The following KIZ variants were observed in gnomAD, a reference collection of about 807,000 sequenced individuals.
KIZ encodes the protein centrosomal protein kizuna.
KIZ carries 68 observed loss-of-function variants against 79.6 expected under a neutral mutation model. The observed-to-expected ratio is 0.85, with a 90% CI of 0.70 to 1.05. The LOEUF (loss-of-function observed/expected upper bound fraction) is 1.05. Among genes scored for constraint, KIZ ranks in the 50% least tolerant of loss-of-function variants. KIZ has a pLI of 0.00. For missense variants in KIZ, 797 were observed against 800.4 expected (o/e 1.00, Z 0.05); for synonymous variants, 280 against 281.8 (o/e 0.99, Z 0.06).
At chr20:21,234,668 A>G (rs1322838923) in intron 11 of KIZ, among the ~76,000 whole-genome samples, 1 of 151,824 alleles carries the variant, frequency 6.6e-6, no homozygotes, top group African/African-American at 2.4e-5. Context: ...AATAAACATA[A>G]CAGTGCAGTG....
At chr20:21,207,598 A>C (rs1371962783) in intron 7 of KIZ, among the ~76,000 whole-genome samples, 1 of 151,264 alleles carries the variant, frequency 6.6e-6, no homozygotes, top group African/African-American at 2.4e-5. Flanking sequence ...GGAAGAAATA[A>C]ATTATTACAA....
chr20:21,216,195 A>C (rs941620970), intron 9 of KIZ, among the ~76,000 whole-genome samples: 1 of 152,198 alleles, frequency 6.6e-6, no homozygotes, highest in Non-Finnish European at 1.5e-5. Flanking sequence ...GAACGATATC[A>C]TTATTTTTTT....
chr20:21,192,437 A>C (rs1230264900), intron 6 of KIZ, among the ~76,000 whole-genome samples: 2 of 151,944 alleles, frequency 1.3e-5, no homozygotes, highest in Non-Finnish European at 2.9e-5. Context: ...GGCTGGAGCC[A>C]CCGTGCCTGG....
intron 3 of KIZ, among the ~76,000 whole-genome samples, chr20:21,143,832 G>A (rs1057337371): frequency 4.6e-5 from 7 of 152,246 alleles, no homozygotes; most frequent in East Asian, 1.9e-4. Flanking sequence ...CCAGTGTTCC[G>A]GACATGGATA....
intron 9 of KIZ, among the ~76,000 whole-genome samples, chr20:21,219,273 C>G (rs1462831735): frequency 6.6e-6 from 1 of 152,100 alleles, no homozygotes; most frequent in Non-Finnish European, 1.5e-5. Flanking sequence ...AGTTCAGTAT[C>G]TTCCAGGGGT....
intron 11 of KIZ, among the ~76,000 whole-genome samples, chr20:21,236,558 C>T (rs80112251): frequency 0.022 from 3,380 of 152,284 alleles, 79 homozygotes; most frequent in Non-Finnish European, 0.028. Context: ...GGAGCCATTC[C>T]TCCTTATCCT....
At chr20:21,169,101 A>G (rs1360954645) in intron 6 of KIZ, among the ~76,000 whole-genome samples, 1 of 152,226 alleles carries the variant, frequency 6.6e-6, no homozygotes, top group Admixed American at 6.5e-5. Flanking sequence ...ATTAAACTAA[A>G]GAGCTTCTGC....
chr20:21,172,290 T>G (rs538268126), intron 6 of KIZ, among the ~76,000 whole-genome samples: 1 of 152,242 alleles, frequency 6.6e-6, no homozygotes, highest in South Asian at 2.1e-4. Flanking sequence ...TATAAACCAG[T>G]AAACAATCTG....
intron 4 of KIZ, chr20:21,154,185 A>T (rs1428784066): frequency 6.6e-6 from 1 of 152,176 alleles, no homozygotes; most frequent in Non-Finnish European, 1.5e-5. Context: ...GCTGCTTCTC[A>T]TTCCCTTGTC....
intron 9 of KIZ, among the ~76,000 whole-genome samples, chr20:21,222,700 G>A (rs2036537370): frequency 6.6e-6 from 1 of 152,134 alleles, no homozygotes; most frequent in Admixed American, 6.5e-5. Context: ...CCTGGCTTGT[G>A]GGAGTATAAG....
chr20:21,190,924 A>T (rs1204335277), intron 6 of KIZ, among the ~76,000 whole-genome samples: 1 of 152,206 alleles, frequency 6.6e-6, no homozygotes. Flanking sequence ...CATCAGTTTC[A>T]GATGCTCAGC....
At position 21,163,083 on chromosome 20, in the gene KIZ, G is replaced by GA. The variant is rs755731853; in HGVS notation, c.1283dup (p.Asn428LysfsTer11). The GA allele has an allele frequency of 5.0e-6, 8 of 1,613,612 alleles. No individual in the cohort carries two copies. The East Asian group carries it at 6.7e-5, about 13-fold the overall frequency. On this transcript the variant is annotated frameshift_variant, in exon 6 of 13. Coordinates refer to ENST00000619189, the MANE Select transcript of KIZ (RefSeq NM_018474.6). LOFTEE classifies it high-confidence loss of function. The stretch of plus-strand genomic sequence containing the variant: ...GCAAGAAAGAGTTGCCCTATCCACT[G>GA]AAAAAAATTGTATTTTGCAAACCCT...
intron 6 of KIZ, among the ~76,000 whole-genome samples, chr20:21,177,906 G>T (rs916410184): frequency 6.6e-6 from 1 of 151,842 alleles, no homozygotes; most frequent in Non-Finnish European, 1.5e-5. Flanking sequence ...TTGATTTATG[G>T]GCTCTCTATT....
At chr20:21,245,430 C>A (rs2037355292) in intron 12 of KIZ, 2 of 152,202 alleles carry the variant, frequency 1.3e-5, no homozygotes, top group Admixed American at 6.5e-5. Flanking sequence ...AATTTCTTAA[C>A]CCCCTTCAGC....
chr20:21,183,617 T>G (rs563602358), intron 6 of KIZ, among the ~76,000 whole-genome samples: 4 of 152,336 alleles, frequency 2.6e-5, no homozygotes, highest in African/African-American at 9.6e-5. Flanking sequence ...ATGCAAAATA[T>G]TTTACATTTT....
At chr20:21,243,544 C>A (rs1711536705) in intron 11 of KIZ, among the ~76,000 whole-genome samples, 1 of 152,134 alleles carries the variant, frequency 6.6e-6, no homozygotes, top group Non-Finnish European at 1.5e-5. Flanking sequence ...CTGAAAGAAT[C>A]TCAGCATCAT....
At chr20:21,176,628 A>C (rs1332272640) in intron 6 of KIZ, among the ~76,000 whole-genome samples, 1 of 152,104 alleles carries the variant, frequency 6.6e-6, no homozygotes, top group Non-Finnish European at 1.5e-5. Flanking sequence ...CCAGACTCAG[A>C]TATGGCAGAT....
intron 9 of KIZ, chr20:21,218,139 A>G (rs1053227082): frequency 2.6e-5 from 4 of 152,218 alleles, no homozygotes; most frequent in Non-Finnish European, 5.9e-5. Flanking sequence ...CAAATCCAGG[A>G]TAGTTACCTT....
At chr20:21,239,125 T>C (rs2037131693) in intron 11 of KIZ, among the ~76,000 whole-genome samples, 1 of 152,212 alleles carries the variant, frequency 6.6e-6, no homozygotes, top group African/African-American at 2.4e-5. Flanking sequence ...TGTAAATTTA[T>C]CAGAACACTT....
Sources: allele counts gnomAD v4.1 joint callset (sites outside exome capture counted in the v4.1 genomes callset), GRCh38; gene constraint gnomAD v4.1.1; transcripts MANE v1.5; gene names NCBI Gene and HGNC (gene_info 2026-07-23, HGNC 2026-07-21).